ZNF654: variants seen among roughly 807,000 people sequenced by gnomAD.
ZNF654 encodes melanoma-associated antigen.
ZNF654 carries 19 observed loss-of-function variants against 95.3 expected under a neutral mutation model. The observed-to-expected ratio is 0.20, with a 90% CI of 0.14 to 0.29. The LOEUF (loss-of-function observed/expected upper bound fraction) is 0.29. Ranked by LOEUF, ZNF654 falls within the 10% of genes least tolerant of loss-of-function variation. ZNF654 has a pLI of 1.00. For synonymous variants in ZNF654, 413 were observed against 457.9 expected (o/e 0.90, Z 1.25); for missense variants, 1,046 against 1,341.0 (o/e 0.78, Z 3.44).
At position 88,139,715 on chromosome 3, in the gene ZNF654, T is replaced by C. The variant is rs755426506; in HGVS notation, c.2046T>C (p.Pro682=). The stretch of plus-strand genomic sequence containing the variant: ...AAAATGTTATTGAAAATGGCAGTCC[T>C]AATAATTCTTTAAATAATGTTTTCA... ...VIENVIENGS[P]NNSLNNVFKP... Residue 682 remains proline (P), a synonymous_variant, in exon 8 of 9, where the codon CCT becomes CCC. Transcript: ENST00000636215. 6.4e-7 allele frequency: 1 copy of C among 1,566,260 alleles called. No homozygotes were observed. The highest frequency in any genetic ancestry group is 1.2e-5 in the South Asian group (1 of 85,974).
In ZNF654 at chr3:88,059,426, G is replaced by T. The variant is rs1220918116; in HGVS notation, c.107G>T (p.Gly36Val). ...GTGGGGCTTAGAGCTGCGGGCGACGGCAGAGGCGGCGCTGGCAGCGGCAAC... is the reference window on the plus strand; with the variant it reads ...GTGGGGCTTAGAGCTGCGGGCGACGTCAGAGGCGGCGCTGGCAGCGGCAAC... ...GPVGLRAAGD[G>V]RGGAGSGNCG... is the part of the protein sequence containing the mutation. Residue 36 changes from glycine to valine, a missense_variant, in exon 1 of 9, where the codon GGC (glycine) becomes GTC (valine). This residue lies in a region of ZNF654 where 89 missense variants were observed against 77.9 expected (regional missense o/e 1.14). Transcript: ENST00000636215. 1.3e-6 allele frequency: 2 copies of T among 1,524,298 alleles called. No homozygotes were observed. Among genetic ancestry groups the T allele is most frequent in the African/African-American group, 2.8e-5 (2 of 72,032 alleles). The allele number at this position is 1,524,298 out of a possible 1,614,324, so 94.4% of individuals were successfully genotyped here.
At chr3:88,110,597 C>A (rs917320098) in intron 2 of ZNF654, among the ~76,000 whole-genome samples, 1 of 152,086 alleles carries the variant, frequency 6.6e-6, no homozygotes. Flanking sequence ...AGTTTACCAG[C>A]CTTGCTGTAG....
rs115119670 is a variant in ZNF654 at position 88,143,242 on chromosome 3, C to T, written c.*1590C>T. Reference sequence around the variant, plus strand: ...ATCAGATGATTTTTTTTTAATTTCCCGGTTTTATTGGTTTATCATCAGCAT... The same window carrying T: ...ATCAGATGATTTTTTTTTAATTTCCTGGTTTTATTGGTTTATCATCAGCAT... On this transcript the variant is annotated 3_prime_UTR_variant, in exon 9 of 9. Transcript: ENST00000636215. The T allele has an allele frequency of 0.013, 2,048 of 151,760 alleles. 30 individuals carry two copies. Among genetic ancestry groups the T allele is most frequent in the Non-Finnish European group, 0.016 (1,068 of 67,572 alleles). 9.4% of individuals were successfully genotyped at this position (151,760 alleles called of 1,614,324 possible).
intron 2 of ZNF654, among the ~76,000 whole-genome samples, chr3:88,104,542 ATAT>A (rs1260210160): frequency 1.3e-5 from 2 of 152,236 alleles, no homozygotes; most frequent in Non-Finnish European, 2.9e-5. Flanking sequence ...TTGTAGTGAA[ATAT>A]TATTGGTTTG....
chr3:88,142,808 G>C lies in ZNF654; in HGVS notation c.*1156G>C, dbSNP rs1476248728. Reference sequence around the variant, plus strand: ...GTATTTACACAAAACATTTGCACAAGAACACAGTAAGAGATACATTCAAGC... The same window carrying C: ...GTATTTACACAAAACATTTGCACAACAACACAGTAAGAGATACATTCAAGC... On this transcript the variant is annotated 3_prime_UTR_variant, in exon 9 of 9. Transcript: ENST00000636215. 1.3e-5 allele frequency: 2 copies of C among 152,092 alleles called. No individual in the cohort carries two copies. Among genetic ancestry groups the C allele is most frequent in the African/African-American group, 4.8e-5 (2 of 41,354 alleles). 9.4% of individuals were successfully genotyped at this position (152,092 alleles called of 1,614,324 possible).
chr3:88,127,063 C>G (rs1476115087), intron 4 of ZNF654, among the ~76,000 whole-genome samples: 2 of 152,122 alleles, frequency 1.3e-5, no homozygotes, highest in Middle Eastern at 3.4e-3. Context: ...ATCACCAAAA[C>G]TGTAGAATGT....
At chr3:88,106,705 G>A (rs760120143) in intron 2 of ZNF654, among the ~76,000 whole-genome samples, 93 of 152,068 alleles carry the variant, frequency 6.1e-4, no homozygotes, top group Non-Finnish European at 2.1e-4. Flanking sequence ...TTTTTAAGCT[G>A]TGTAGATTTT....
chr3:88,084,991 T>A (rs1322463815), intron 1 of ZNF654, among the ~76,000 whole-genome samples: 1 of 152,196 alleles, frequency 6.6e-6, no homozygotes, highest in Non-Finnish European at 1.5e-5. Context: ...TATAAACAGG[T>A]TCTCTGCTCT....
chr3:88,106,481 A>G (rs1299363553), intron 2 of ZNF654, among the ~76,000 whole-genome samples: 1 of 151,728 alleles, frequency 6.6e-6, no homozygotes, highest in Non-Finnish European at 1.5e-5. Flanking sequence ...GAGATTACAC[A>G]TGTGTGCAGC....
Position 88,071,458 on chromosome 3 carries a change from C to G in ZNF654, c.186+11953C>G, listed in dbSNP as rs187171105. Among the ~76,000 whole-genome samples the G allele has an allele frequency of 6.2e-3, 938 of 152,270 alleles. 6 individuals carry two copies. Among genetic ancestry groups the G allele is most frequent in the Middle Eastern group, 0.01 (3 of 294 alleles). On this transcript the variant is annotated intron_variant, in intron 1 of 8. Coordinates refer to ENST00000636215, the MANE Select transcript of ZNF654 (RefSeq NM_001350134.2). ...AGGAGATCGAGACCGTCCTGGCTAA[C>G]ACGGTGAAACCCCATCTCTACTAAA...
chr3:88,127,602 GAC>G (rs1164850670), intron 4 of ZNF654, among the ~76,000 whole-genome samples: 1 of 152,098 alleles, frequency 6.6e-6, no homozygotes, highest in Non-Finnish European at 1.5e-5. Context: ...GCTAGACAAA[GAC>G]AGAGTTTCAA....
In ZNF654 at chr3:88,139,661, T is replaced by C; in HGVS notation, c.1992T>C (p.Ile664=). 6.2e-7 allele frequency: 1 copy of C among 1,610,570 alleles called. No individual in the cohort carries two copies. The highest frequency in any genetic ancestry group is 8.5e-7 in the Non-Finnish European group (1 of 1,178,068). ...IPEHVAEFIE[I]PISVPEDVIE... ...AGCATGTGGCTGAATTCATTGAAAT[T>C]CCCATAAGTGTACCAGAAGATGTTA... is the stretch of plus-strand genomic sequence containing the variant. The change falls in exon 8 of 9, where the codon ATT becomes ATC. Residue 664 remains isoleucine (I), a synonymous_variant. Coordinates refer to ENST00000636215, the MANE Select transcript of ZNF654 (RefSeq NM_001350134.2).
chr3:88,078,113 G>A (rs886967033), intron 1 of ZNF654, among the ~76,000 whole-genome samples: 1 of 151,952 alleles, frequency 6.6e-6, no homozygotes, highest in African/African-American at 2.4e-5. Flanking sequence ...TGTGAATATC[G>A]GACTGATTTC....
chr3:88,138,518 A>T (rs1706937436), intron 7 of ZNF654, among the ~76,000 whole-genome samples, 187 bp from the exon 8 acceptor site: 2 of 152,170 alleles, frequency 1.3e-5, no homozygotes, highest in South Asian at 4.1e-4. Flanking sequence ...ATTATTTTCA[A>T]GTTTAAGAAA....
chr3:88,085,089 G>T (rs1013674977), intron 1 of ZNF654, among the ~76,000 whole-genome samples: 5 of 152,172 alleles, frequency 3.3e-5, no homozygotes, highest in African/African-American at 1.2e-4. Context: ...TTGAAAAATT[G>T]TAGAAATGTG....
intron 1 of ZNF654, among the ~76,000 whole-genome samples, chr3:88,083,522 C>T (rs1049784691): frequency 1.3e-5 from 2 of 152,156 alleles, no homozygotes; most frequent in Non-Finnish European, 2.9e-5. Flanking sequence ...TAGCGTGCTT[C>T]TGGCCTTGGC....
At chr3:88,070,097 G>A (rs1707421930) in intron 1 of ZNF654, among the ~76,000 whole-genome samples, 1 of 152,128 alleles carries the variant, frequency 6.6e-6, no homozygotes, top group African/African-American at 2.4e-5. Context: ...GCTGATGGGA[G>A]TACAGATCAC....
chr3:88,061,509 T>C (rs1353876993), intron 1 of ZNF654, among the ~76,000 whole-genome samples: 1 of 152,206 alleles, frequency 6.6e-6, no homozygotes, highest in Non-Finnish European at 1.5e-5. Flanking sequence ...CCTGAAACTT[T>C]ACATATTTTA....
intron 7 of ZNF654, 138 bp from the exon 8 acceptor site, chr3:88,138,567 A>T: frequency 2.2e-6 from 1 of 453,956 alleles, no homozygotes; most frequent in Non-Finnish European, 3.6e-6. Context: ...AAACAAGGCT[A>T]CTAAATATGG....
Sources: gnomAD v4.1 joint callset for allele counts (sites outside exome capture counted in the v4.1 genomes callset) on GRCh38, gnomAD v4.1.1 for gene constraint, gnomAD v4.1.1 regional missense constraint, MANE v1.5 for transcripts, NCBI Gene and HGNC (gene_info 2026-07-23, HGNC 2026-07-21) for gene names.